Variants in CLYBL observed in about 807,000 individuals in gnomAD.
The protein encoded by CLYBL is citramalyl-CoA lyase, mitochondrial.
CLYBL carries 31 observed loss-of-function variants against 38.9 expected under a neutral mutation model. The ratio of observed to expected loss-of-function variants is 0.80; its 90% CI spans 0.60 to 1.08. The LOEUF is 1.08. Ranked by LOEUF, CLYBL falls within the 50% of genes least tolerant of loss-of-function variation. CLYBL has a pLI of 0.00. For missense variants in CLYBL, 434 were observed against 411.6 expected (o/e 1.05, Z -0.47); for synonymous variants, 171 against 158.6 (o/e 1.08, Z -0.59).
chr13:99,893,758 ACCTGGGGAAAAGCAGGC>A (rs1412557337), downstream of CLYBL: 1 of 152,104 alleles, frequency 6.6e-6, no homozygotes, highest in Non-Finnish European at 1.5e-5. Flanking sequence ...AGCCCTACAG[ACCTGGGGAAAAGCAGGC>A]CCCTCCGCAA....
At chr13:99,880,983 G>A (rs2052191973) in intron 7 of CLYBL, among the ~76,000 whole-genome samples, 1 of 152,236 alleles carries the variant, frequency 6.6e-6, no homozygotes, top group African/African-American at 2.4e-5. Context: ...GCTTTCCGGG[G>A]CCTTCCCCAG....
intron 1 of CLYBL, among the ~76,000 whole-genome samples, chr13:99,617,086 A>C (rs977342102): frequency 1.3e-5 from 2 of 152,212 alleles, no homozygotes; most frequent in African/African-American, 4.8e-5. Context: ...CACTGTGTCT[A>C]AATGAGAAGG....
intron 1 of CLYBL, among the ~76,000 whole-genome samples, chr13:99,670,313 C>T (rs185909057): frequency 1.3e-3 from 192 of 152,268 alleles, no homozygotes; most frequent in Middle Eastern, 3.4e-3. Flanking sequence ...GCTATGATTG[C>T]GTCTGTGAAT....
At chr13:99,860,733 C>CAGA (rs1594228697) in intron 3 of CLYBL, among the ~76,000 whole-genome samples, 2 of 152,232 alleles carry the variant, frequency 1.3e-5, no homozygotes, top group African/African-American at 4.8e-5. Context: ...TTCTAGTTAA[C>CAGA]AGAAGTCCTT....
intron 1 of CLYBL, among the ~76,000 whole-genome samples, chr13:99,677,152 A>G (rs1420004243): frequency 6.6e-6 from 1 of 152,164 alleles, no homozygotes. Flanking sequence ...AGTCACCTCA[A>G]AAAGGGCAGA....
intron 2 of CLYBL, among the ~76,000 whole-genome samples, chr13:99,838,569 A>C (rs1353726322): frequency 6.6e-6 from 1 of 152,216 alleles, no homozygotes; most frequent in Non-Finnish European, 1.5e-5. Flanking sequence ...CTTCAGAAGA[A>C]TGCTAACACT....
At chr13:99,622,779 G>A (rs2046816219) in intron 1 of CLYBL, among the ~76,000 whole-genome samples, 1 of 145,046 alleles carries the variant, frequency 6.9e-6, no homozygotes, top group South Asian at 2.3e-4. Context: ...TATGGATATA[G>A]CACTACATTT....
At chr13:99,817,426 A>C (rs1159790157) in intron 2 of CLYBL, among the ~76,000 whole-genome samples, 3 of 152,126 alleles carry the variant, frequency 2.0e-5, no homozygotes, top group African/African-American at 7.2e-5. Context: ...TGGGAGGCCG[A>C]GGCGGGCGGA....
At chr13:99,868,693 C>T (rs1048605401) in intron 6 of CLYBL, among the ~76,000 whole-genome samples, 3 of 152,102 alleles carry the variant, frequency 2.0e-5, no homozygotes, top group African/African-American at 7.2e-5. Context: ...TAAATCAATG[C>T]ATTGGCTGTA....
At chr13:99,805,193 C>T (rs980209917) in intron 2 of CLYBL, among the ~76,000 whole-genome samples, 1 of 152,102 alleles carries the variant, frequency 6.6e-6, no homozygotes, top group Non-Finnish European at 1.5e-5. Context: ...TTTCCACTTT[C>T]GGCTGTTGTA....
chr13:99,886,861 A>G (rs989250989), intron 7 of CLYBL, among the ~76,000 whole-genome samples: 1 of 152,138 alleles, frequency 6.6e-6, no homozygotes, highest in Non-Finnish European at 1.5e-5. Flanking sequence ...GCAAATGGTA[A>G]GCTCCCAGAG....
chr13:99,829,264 A>T (rs934657745), intron 2 of CLYBL, among the ~76,000 whole-genome samples: 3 of 152,342 alleles, frequency 2.0e-5, no homozygotes. Flanking sequence ...AATCTTGCAG[A>T]TGCAAACCTT....
rs181455704 is a variant in CLYBL, at chr13:99,832,812, G to T, written c.250-26049G>T. ...CACCAGTGGAGGCAAATTGAATTTG[G>T]GATATGTTATATCAAATCTGTTAAA... On this transcript the variant is annotated intron_variant, in intron 2 of 8. Transcript: ENST00000339105. Among the ~76,000 whole-genome samples, 586 of 149,448 alleles carry T rather than the reference G, an allele frequency of 3.9e-3. 6 individuals carry two copies. The highest frequency in any genetic ancestry group is 0.014 in the African/African-American group (561 of 40,544).
chr13:99,616,509 G>T (rs950013897), intron 1 of CLYBL, among the ~76,000 whole-genome samples: 7 of 152,084 alleles, frequency 4.6e-5, no homozygotes, highest in Non-Finnish European at 1.0e-4. Flanking sequence ...ACCTAAAAAG[G>T]CCTGTTGGCT....
intron 1 of CLYBL, among the ~76,000 whole-genome samples, chr13:99,637,497 A>C (rs2047035368): frequency 1.3e-5 from 2 of 152,340 alleles, no homozygotes; most frequent in South Asian, 4.1e-4. Flanking sequence ...ACGGTGGCTC[A>C]CGCCTGTAAT....
intron 2 of CLYBL, among the ~76,000 whole-genome samples, chr13:99,787,323 A>G (rs928787597): frequency 3.9e-5 from 6 of 152,030 alleles, no homozygotes; most frequent in African/African-American, 1.4e-4. Context: ...AGGGTTTTTT[A>G]TGGTTTTAGG....
intron 1 of CLYBL, among the ~76,000 whole-genome samples, chr13:99,747,644 G>C (rs1421932123): frequency 2.6e-5 from 4 of 152,168 alleles, no homozygotes; most frequent in Non-Finnish European, 5.9e-5. Context: ...GGGTCTTCCT[G>C]TTCCTGGGAC....
chr13:99,608,847 C>CTTTTTTTTTTTTTTTTTTTTTT lies in CLYBL; in HGVS notation c.62+2098_62+2119dup, dbSNP rs57961216. 4.0e-4 allele frequency among the ~76,000 whole-genome samples: 35 copies of CTTTTTTTTTTTTTTTTTTTTTT among 87,862 alleles called. 2 individuals carry two copies. The highest frequency in any genetic ancestry group is 1.2e-3 in the East Asian group (2 of 1,602). The allele number at this position is 87,862 out of a possible 152,430, so 57.6% of individuals were successfully genotyped here. A position where few individuals can be genotyped will look rare whatever the true frequency, so the allele number is the denominator to read the frequency against. ...TTAGGGTTCTATGTAAGTGATGAGT[C>CTTTTTTTTTTTTTTTTTTTTTT]TTTTTTTTTTTTTTTTTTTTTTTTT... On this transcript the variant is annotated intron_variant, in intron 1 of 8. Coordinates refer to ENST00000339105, the MANE Select transcript of CLYBL (RefSeq NM_206808.5).
At chr13:99,820,511 C>T (rs1027188428) in intron 2 of CLYBL, among the ~76,000 whole-genome samples, 2 of 137,196 alleles carry the variant, frequency 1.5e-5, no homozygotes, top group Non-Finnish European at 3.1e-5. Flanking sequence ...GTCTACCTAG[C>T]TGTATTTGTC....
Sources: gnomAD v4.1 joint callset for allele counts (sites outside exome capture counted in the v4.1 genomes callset) on GRCh38, gnomAD v4.1.1 for gene constraint, MANE v1.5 for transcripts, NCBI Gene and HGNC (gene_info 2026-07-23, HGNC 2026-07-21) for gene names.